Variants in KHDC1 observed in about 807,000 individuals in gnomAD.
KHDC1 encodes KH domain containing 1.
A neutral mutation model predicts 24.7 loss-of-function variants in KHDC1; 21 were observed. The observed-to-expected ratio is 0.85, with a 90% CI of 0.60 to 1.23. The LOEUF (loss-of-function observed/expected upper bound fraction) is 1.23. KHDC1 is among the 50% of genes most tolerant of loss of function. The pLI is 0.00. For missense variants in KHDC1, 274 were observed against 298.5 expected (o/e 0.92, Z 0.61); for synonymous variants, 98 against 111.7 (o/e 0.88, Z 0.77).
chr6:73,267,734 T>C (rs1449884393), intron 2 of KHDC1, among the ~76,000 whole-genome samples: 2 of 152,190 alleles, frequency 1.3e-5, no homozygotes, highest in East Asian at 1.9e-4. Flanking sequence ...GTATTTATAA[T>C]AGCATTATTC....
At chr6:73,310,104 G>C (rs1768054032) in exon 1 of KHDC1, 2 of 213,790 alleles carry the variant, frequency 9.4e-6, no homozygotes, top group Admixed American at 1.3e-4. Flanking sequence ...GAGAGGACCC[G>C]GAGAACGGAG....
chr6:73,244,180 T>C (rs1766624089), intron 2 of KHDC1, among the ~76,000 whole-genome samples: 1 of 152,218 alleles, frequency 6.6e-6, no homozygotes, highest in African/African-American at 2.4e-5. Flanking sequence ...CACTCCATAT[T>C]ACGCTAGATA....
chr6:73,294,790 C>A (rs924780124), intron 1 of KHDC1, among the ~76,000 whole-genome samples: 1 of 152,102 alleles, frequency 6.6e-6, no homozygotes, highest in Non-Finnish European at 1.5e-5. Flanking sequence ...ATCATGGGGG[C>A]AGCTTTCTCA....
At chr6:73,288,428 C>T (rs1047036418) in intron 2 of KHDC1, among the ~76,000 whole-genome samples, 1 of 152,168 alleles carries the variant, frequency 6.6e-6, no homozygotes, top group Non-Finnish European at 1.5e-5. Flanking sequence ...CAAGACCAGC[C>T]TGGGCAACAT....
At chr6:73,289,323 G>C (rs1767583706) in intron 2 of KHDC1, among the ~76,000 whole-genome samples, 1 of 96,258 alleles carries the variant, frequency 1.0e-5, no homozygotes, top group African/African-American at 4.2e-5. Context: ...GACAGAGTGA[G>C]ACTCCATCTC....
chr6:73,241,600 T>C, exon 5 of KHDC1: 1 of 1,614,134 alleles, frequency 6.2e-7, no homozygotes, highest in Non-Finnish European at 8.5e-7. Context: ...TGAGGAACGC[T>C]AAGACACACG....
At chr6:73,294,435 TCATAA>T (rs1441702777) in intron 1 of KHDC1, among the ~76,000 whole-genome samples, 1 of 152,206 alleles carries the variant, frequency 6.6e-6, no homozygotes, top group African/African-American at 2.4e-5. Flanking sequence ...ATAATTTCTA[TCATAA>T]CTAGCAGCTA....
intron 2 of KHDC1, among the ~76,000 whole-genome samples, chr6:73,244,826 G>A (rs1273241097): frequency 6.6e-6 from 1 of 152,080 alleles, no homozygotes; most frequent in Non-Finnish European, 1.5e-5. Flanking sequence ...CCAGCTATTC[G>A]GGAGGCTGAG....
chr6:73,291,128 A>G (rs1767643670), intron 2 of KHDC1: 1 of 501,234 alleles, frequency 2.0e-6, no homozygotes, highest in African/African-American at 1.9e-5. Flanking sequence ...AGACTGGTTT[A>G]AAGACATGCA....
chr6:73,290,475 T>C, intron 2 of KHDC1: 1 of 361,112 alleles, frequency 2.8e-6, no homozygotes, highest in East Asian at 7.1e-5. Flanking sequence ...GGAATGATAG[T>C]ACATCTAAAA....
chr6:73,247,904 C>CCCTT (rs1000102538), intron 2 of KHDC1, among the ~76,000 whole-genome samples: 80 of 151,218 alleles, frequency 5.3e-4, no homozygotes, highest in African/African-American at 1.8e-3. Context: ...AAGTGGTAGC[C>CCCTT]CCTTGCAAGA....
At chr6:73,288,588 T>A (rs993003348) in intron 2 of KHDC1, among the ~76,000 whole-genome samples, 4 of 151,886 alleles carry the variant, frequency 2.6e-5, no homozygotes, top group African/African-American at 9.7e-5. Context: ...GCCACTGCAC[T>A]CCAGCCTGGG....
intron 2 of KHDC1, among the ~76,000 whole-genome samples, chr6:73,289,326 T>C (rs1481902759): frequency 1.5e-4 from 10 of 64,994 alleles, no homozygotes; most frequent in South Asian, 7.4e-4. Flanking sequence ...AGAGTGAGAC[T>C]CCATCTCAAA....
At chr6:73,298,422 A>ATTTTTT (rs1562260419) in intron 1 of KHDC1, among the ~76,000 whole-genome samples, 1 of 115,046 alleles carries the variant, frequency 8.7e-6, no homozygotes, top group African/African-American at 3.6e-5. Flanking sequence ...ATACTTTGCA[A>ATTTTTT]ATTTTTTTTT....
At chr6:73,276,819 T>C (rs1184924831) in intron 2 of KHDC1, among the ~76,000 whole-genome samples, 5 of 152,234 alleles carry the variant, frequency 3.3e-5, no homozygotes, top group African/African-American at 1.2e-4. Flanking sequence ...TATTCACTTT[T>C]AGACAAGTCA....
At chr6:73,247,714 G>C (rs562871542) in intron 2 of KHDC1, among the ~76,000 whole-genome samples, 20 of 151,976 alleles carry the variant, frequency 1.3e-4, no homozygotes, top group Non-Finnish European at 1.9e-4. Context: ...AAAATTAGCC[G>C]GGCATAGTGG....
chr6:73,278,841 C>T (rs1326800925), intron 2 of KHDC1, among the ~76,000 whole-genome samples: 6 of 152,152 alleles, frequency 3.9e-5, no homozygotes, highest in Non-Finnish European at 8.8e-5. Context: ...CCATATCCCC[C>T]AAGGATAAGG....
intron 2 of KHDC1, among the ~76,000 whole-genome samples, chr6:73,286,500 G>A (rs996592256): frequency 2.6e-5 from 4 of 152,156 alleles, no homozygotes; most frequent in Non-Finnish European, 5.9e-5. Context: ...ACTAAGCACT[G>A]AGAGCCACAC....
chr6:73,309,838 G>C, exon 1 of KHDC1: 1 of 1,183,224 alleles, frequency 8.5e-7, no homozygotes, highest in Non-Finnish European at 1.2e-6. Flanking sequence ...AGTTCAGGAC[G>C]CGAAGGAAAG....
Sources: allele counts gnomAD v4.1 joint callset (sites outside exome capture counted in the v4.1 genomes callset), GRCh38; gene constraint gnomAD v4.1.1; transcripts MANE v1.5; gene names NCBI Gene and HGNC (gene_info 2026-07-23, HGNC 2026-07-21).